The following UBXN8 variants were observed in gnomAD, a reference collection of about 807,000 sequenced individuals.
The protein encoded by UBXN8 is UBX domain protein 8.
In UBXN8, 27 loss-of-function variants were observed where a neutral mutation model predicts 32.1. The ratio of observed to expected loss-of-function variants is 0.84; its 90% CI spans 0.62 to 1.16. The LOEUF (loss-of-function observed/expected upper bound fraction) is 1.16, where lower values mean the gene tolerates loss of function less well. Ranked by LOEUF, UBXN8 falls within the 50% of genes most tolerant of loss-of-function variation. The probability of loss-of-function intolerance (pLI) is 0.00; values close to 1 mark genes in which losing one functional copy is unlikely to be tolerated. For synonymous variants in UBXN8, 109 were observed against 111.8 expected (o/e 0.98, Z 0.16); for missense variants, 306 against 311.4 (o/e 0.98, Z 0.13).
upstream of UBXN8, among the ~76,000 whole-genome samples, chr8:30,731,840 C>T (rs928264936): frequency 4.9e-4 from 75 of 152,156 alleles, no homozygotes; most frequent in Non-Finnish European, 8.2e-4. Context: ...ATTATAGTTC[C>T]TTGTCAGTCT....
At chr8:30,744,328 GA>G in intron 1 of UBXN8, 51 bp downstream of exon 1, 18 of 1,564,982 alleles carry the variant, frequency 1.2e-5, no homozygotes, top group Non-Finnish European at 1.5e-5. Flanking sequence ...ATTTTCACAG[GA>G]ATGTTGCATA....
upstream of UBXN8, among the ~76,000 whole-genome samples, chr8:30,743,588 G>A (rs1805265380): frequency 6.6e-6 from 1 of 152,224 alleles, no homozygotes. Flanking sequence ...AATAACGCGT[G>A]CAGGCAAAAC....
rs1485440114 is a variant in UBXN8 at position 30,746,816 on chromosome 8, G to A, written c.88+2539G>A. On this transcript the variant is annotated intron_variant, in intron 1 of 7. Coordinates refer to ENST00000265616, the MANE Select transcript of UBXN8 (RefSeq NM_005671.4). ...TGGGATTACAGGCGTGAGCCACCGCGCCCTGACTAAGCTAAATATTTTAAG... is the reference window on the plus strand; with the variant it reads ...TGGGATTACAGGCGTGAGCCACCGCACCCTGACTAAGCTAAATATTTTAAG... Among the ~76,000 whole-genome samples, 8 of 139,006 alleles carry A rather than the reference G, an allele frequency of 5.8e-5. 2 individuals carry two copies. The highest frequency in any genetic ancestry group is 1.1e-4 in the Non-Finnish European group (7 of 64,758). The allele number at this position is 139,006 out of a possible 152,430, so 91.2% of individuals were successfully genotyped here.
intron 1 of UBXN8, among the ~76,000 whole-genome samples, chr8:30,748,832 C>T (rs577964088): frequency 5.9e-5 from 9 of 152,284 alleles, no homozygotes; most frequent in Non-Finnish European, 8.8e-5. Context: ...TGAGCCATCT[C>T]GCCCGGCCTA....
chr8:30,752,738 C>G (rs1488260065), intron 2 of UBXN8, among the ~76,000 whole-genome samples: 1 of 152,134 alleles, frequency 6.6e-6, no homozygotes, highest in African/African-American at 2.4e-5. Context: ...TAGGAAGAAG[C>G]TTGTCATTAG....
upstream of UBXN8, among the ~76,000 whole-genome samples, chr8:30,741,133 A>T (rs1338716515): frequency 2.8e-5 from 4 of 141,132 alleles, no homozygotes; most frequent in Non-Finnish European, 6.1e-5. Flanking sequence ...ACCCTATAAA[A>T]ATCGCCCTCT....
intron 5 of UBXN8, among the ~76,000 whole-genome samples, chr8:30,758,131 C>T (rs1039229121): frequency 1.3e-5 from 2 of 152,094 alleles, no homozygotes; most frequent in Non-Finnish European, 2.9e-5. Flanking sequence ...CTCCTGACCA[C>T]GTGATCCGCC....
At chr8:30,748,685 C>T (rs1805429208) in intron 1 of UBXN8, among the ~76,000 whole-genome samples, 1 of 152,054 alleles carries the variant, frequency 6.6e-6, no homozygotes, top group South Asian at 2.1e-4. Flanking sequence ...GTATTACAGG[C>T]ACCCACCATC....
rs115749166 is a variant in UBXN8 at position 30,766,287 on chromosome 8, T to G, written c.706T>G (p.Ser236Ala). The G allele has an allele frequency of 7.1e-5, 114 of 1,613,876 alleles. No individual in the cohort carries two copies. The African/African-American group carries it at 1.3e-3, about 18-fold the overall frequency. Reference protein sequence around the residue: ...YHISLYSLSTSFPRRPLAVEG... With the variant: ...YHISLYSLSTAFPRRPLAVEG... ...CATATCTCTATACAGCCTTTCTACT[T>G]CCTTTCCCAGACGGCCTCTGGCAGT... Residue 236 changes from serine to alanine, a missense_variant, in exon 8 of 8, where the codon TCC (serine) becomes GCC (alanine). Ser to Ala is a moderately conservative substitution (Grantham distance 99). Transcript: ENST00000265616.
At position 30,759,926 on chromosome 8, in the gene UBXN8, C is replaced by A. The variant is rs555072375; in HGVS notation, c.529-962C>A. 4.0e-3 allele frequency among the ~76,000 whole-genome samples: 611 copies of A among 151,056 alleles called. 7 individuals carry two copies. Among genetic ancestry groups the A allele is most frequent in the Middle Eastern group, 0.017 (5 of 294 alleles). On this transcript the variant is annotated intron_variant, in intron 5 of 7. Transcript: ENST00000265616. The stretch of plus-strand genomic sequence containing the variant: ...GAGCCAAGATCGCGCCACTGCACTC[C>A]AGCCTGGGCGACAGAGTGAGACTCC...
At chr8:30,740,799 T>C (rs1037662801), upstream of UBXN8, among the ~76,000 whole-genome samples, 3 of 152,034 alleles carry the variant, frequency 2.0e-5, no homozygotes, top group South Asian at 2.1e-4. Context: ...TCAACCTGAT[T>C]TTACTGTTCC....
At chr8:30,755,672 C>T (rs563800120) in intron 4 of UBXN8, among the ~76,000 whole-genome samples, 18 of 144,118 alleles carry the variant, frequency 1.2e-4, no homozygotes, top group African/African-American at 3.0e-4. Context: ...AGGAGGATCA[C>T]TTGAGCCCAG....
upstream of UBXN8, among the ~76,000 whole-genome samples, chr8:30,731,265 T>G (rs780767600): frequency 6.6e-6 from 1 of 151,906 alleles, no homozygotes; most frequent in Non-Finnish European, 1.5e-5. Flanking sequence ...AGGATGACAG[T>G]TGGGGGTAAA....
At chr8:30,760,433 A>ATTTTTT (rs1298431012) in intron 5 of UBXN8, among the ~76,000 whole-genome samples, 1 of 39,600 alleles carries the variant, frequency 2.5e-5, no homozygotes, top group African/African-American at 1.3e-4. Flanking sequence ...ATATATATAT[A>ATTTTTT]TATATATATA....
chr8:30,742,638 G>A (rs1244114843), upstream of UBXN8, among the ~76,000 whole-genome samples: 2 of 151,598 alleles, frequency 1.3e-5, no homozygotes, highest in African/African-American at 4.8e-5. Flanking sequence ...TACCGCGCCC[G>A]GCCTCAAGCT....
chr8:30,738,615 C>T (rs531545825), intron 1 of UBXN8, among the ~76,000 whole-genome samples: 134 of 129,750 alleles, frequency 1.0e-3, no homozygotes, highest in African/African-American at 3.9e-3. Context: ...GAGCCGAGAT[C>T]GTGCCACTGC....
chr8:30,754,162 CCCAGGAG>C (rs1415228768), intron 3 of UBXN8: 1 of 192,780 alleles, frequency 5.2e-6, no homozygotes, highest in African/African-American at 2.4e-5. Context: ...ATCACTTGAA[CCCAGGAG>C]CCAGAGATGG....
chr8:30,735,534 C>T (rs545126505), intron 1 of UBXN8, among the ~76,000 whole-genome samples: 32 of 152,218 alleles, frequency 2.1e-4, no homozygotes, highest in African/African-American at 7.2e-4. Context: ...ATCTGGGCAA[C>T]AGAGTGTGTC....
At chr8:30,738,310 GT>G (rs1197930595) in intron 1 of UBXN8, among the ~76,000 whole-genome samples, 3 of 151,980 alleles carry the variant, frequency 2.0e-5, no homozygotes, top group African/African-American at 7.2e-5. Context: ...GAGCCTAGGA[GT>G]TTGAGACCAG....
Sources: allele counts gnomAD v4.1 joint callset (sites outside exome capture counted in the v4.1 genomes callset), GRCh38; gene constraint gnomAD v4.1.1; transcripts MANE v1.5; gene names NCBI Gene and HGNC (gene_info 2026-07-23, HGNC 2026-07-21).